The following XAF1 variants were observed in gnomAD, a reference collection of about 807,000 sequenced individuals.
XAF1 encodes the protein XIAP-associated factor 1.
XAF1 carries 32 observed loss-of-function variants against 32.3 expected under a neutral mutation model. The observed-to-expected ratio is 0.99, with a 90% CI of 0.75 to 1.33. XAF1 has a LOEUF of 1.33. XAF1 is among the 40% of genes most tolerant of loss of function. The pLI is 0.00. For synonymous variants in XAF1, 120 were observed against 125.9 expected (o/e 0.95, Z 0.31); for missense variants, 379 against 366.0 (o/e 1.04, Z -0.29).
chr17:6,770,889 A>T lies in XAF1; in HGVS notation c.754A>T (p.Ser252Cys), dbSNP rs1265518574. 1.2e-6 allele frequency: 2 copies of T among 1,614,088 alleles called. No homozygotes were observed. Among genetic ancestry groups the T allele is most frequent in the Non-Finnish European group, 1.7e-6 (2 of 1,180,036 alleles). The change falls in exon 6 of 7, where the codon AGC (serine) becomes TGC (cysteine). Residue 252 changes from serine to cysteine, a missense_variant. Transcript: ENST00000361842. ...LLMSEPKPRT[S>C]SPRGDKAAYD... ...GATGTCAGAGCCCAAGCCCAGGACC[A>T]GCTCCCCTAGAGGAGATAAAGCAGC...
intron 4 of XAF1, chr17:6,761,838 A>G (rs1311957819): frequency 6.5e-6 from 9 of 1,377,650 alleles, no homozygotes; most frequent in Non-Finnish European, 8.6e-6. Flanking sequence ...GCACAGTCAG[A>G]ATGGAGGGGG....
At chr17:6,770,331 A>G (rs1975924733) in intron 5 of XAF1, among the ~76,000 whole-genome samples, 1 of 152,160 alleles carries the variant, frequency 6.6e-6, no homozygotes, top group Non-Finnish European at 1.5e-5. Flanking sequence ...CCCTAATCTC[A>G]TTAAAAAGGG....
chr17:6,764,133 C>T (rs1019957261), intron 5 of XAF1, among the ~76,000 whole-genome samples: 2 of 152,208 alleles, frequency 1.3e-5, no homozygotes, highest in African/African-American at 4.8e-5. Context: ...CCCTTACTGG[C>T]TGTGTAACCT....
chr17:6,770,554 G>A, intron 5 of XAF1, 89 bp from the exon 6 acceptor site: 2 of 1,084,942 alleles, frequency 1.8e-6, no homozygotes, highest in South Asian at 3.3e-5. Flanking sequence ...GTTTACAGTG[G>A]GAATTTCTTG....
chr17:6,756,321 A>G, intron 1 of XAF1: 1 of 1,379,214 alleles, frequency 7.3e-7, no homozygotes, highest in Non-Finnish European at 9.5e-7. Flanking sequence ...ACTTCACTGC[A>G]GCCCCTTTCC....
chr17:6,769,092 T>G (rs977462565), intron 5 of XAF1, among the ~76,000 whole-genome samples: 1 of 152,116 alleles, frequency 6.6e-6, no homozygotes, highest in Non-Finnish European at 1.5e-5. Context: ...AATCGCCTTA[T>G]GTCTCTTAAC....
chr17:6,764,633 A>C (rs886362708), intron 5 of XAF1, among the ~76,000 whole-genome samples: 14 of 152,172 alleles, frequency 9.2e-5, no homozygotes, highest in Non-Finnish European at 1.9e-4. Flanking sequence ...TGTGGTTTTC[A>C]GTCTTTAACT....
intron 2 of XAF1, chr17:6,758,489 G>A: frequency 3.8e-6 from 2 of 522,168 alleles, no homozygotes; most frequent in South Asian, 4.1e-5. Flanking sequence ...CAGGTGAGAT[G>A]GGGTCTGGGA....
At chr17:6,757,461 A>G (rs117999413) in intron 1 of XAF1, 2 of 152,264 alleles carry the variant, frequency 1.3e-5, no homozygotes, top group East Asian at 3.9e-4. Context: ...AGACTTGGGA[A>G]GCTCTCGCTT....
In XAF1 at chr17:6,773,350, C is replaced by T; in HGVS notation, c.*181C>T. 1 of 518,800 alleles carries T rather than the reference C, an allele frequency of 1.9e-6. No homozygotes were observed. Among genetic ancestry groups the T allele is most frequent in the East Asian group, 3.6e-5 (1 of 27,468 alleles). The allele number at this position is 518,800 out of a possible 1,614,324, so 32.1% of individuals were successfully genotyped here. On this transcript the variant is annotated 3_prime_UTR_variant, in exon 7 of 7. Coordinates refer to ENST00000361842, the MANE Select transcript of XAF1 (RefSeq NM_017523.5). ...ATCATCTCAATAGATACAGAAAAGG[C>T]TTTTGATAAAATTCAACTTGACTTC...
chr17:6,758,008 G>C, intron 1 of XAF1, 81 bp from the exon 2 acceptor site: 2 of 1,588,784 alleles, frequency 1.3e-6, no homozygotes, highest in Non-Finnish European at 1.7e-6. Context: ...TGGAGATCTA[G>C]CCCTGGGTAT....
At position 6,770,703 on chromosome 17, in the gene XAF1, C is replaced by T. The variant is rs1975959235; in HGVS notation, c.568C>T (p.Leu190Phe). 1.2e-6 allele frequency: 2 copies of T among 1,610,580 alleles called. No homozygotes were observed. The highest frequency in any genetic ancestry group is 1.1e-5 in the South Asian group (1 of 89,832). Residue 190 changes from leucine (L) to phenylalanine (F), a missense_variant, in exon 6 of 7, where the codon CTT (leucine) becomes TTT (phenylalanine). Leu to Phe is a conservative substitution (Grantham distance 22). Transcript: ENST00000361842. ...KHFPVGNPEI[L>F]PSSLPSQAAE... Reference sequence around the variant, plus strand: ...CTTTCCTGTTGGAAATCCAGAAATTCTTCCTTCATCTCTTCCAAGTCAAGC... The same window carrying T: ...CTTTCCTGTTGGAAATCCAGAAATTTTTCCTTCATCTCTTCCAAGTCAAGC...
Position 6,760,434 on chromosome 17 carries a change from A to G in XAF1, c.254A>G (p.Glu85Gly), listed in dbSNP as rs34195599. 0.012 allele frequency: 20,067 copies of G among 1,608,500 alleles called. 1,181 individuals carry two copies. The African/African-American group carries it at 0.17, about 14-fold the overall frequency. Reference sequence around the variant, plus strand: ...AATGAGTGCCAGGAGCGCCCTGTTGAGTGTAAGTTCTGCAAACTGGACATG... The same window carrying G: ...AATGAGTGCCAGGAGCGCCCTGTTGGGTGTAAGTTCTGCAAACTGGACATG... ...KANECQERPVECKFCKLDMQL... is the reference protein window; with the variant it reads ...KANECQERPVGCKFCKLDMQL... Residue 85 changes from glutamate (E) to glycine (G), a missense_variant, in exon 4 of 7, where the codon GAG (glutamate) becomes GGG (glycine). By Grantham distance (98) the Glu-to-Gly change is moderately conservative. Coordinates refer to ENST00000361842, the MANE Select transcript of XAF1 (RefSeq NM_017523.5).
chr17:6,760,151 C>T (rs1320691689), intron 3 of XAF1, among the ~76,000 whole-genome samples: 2 of 151,878 alleles, frequency 1.3e-5, no homozygotes, highest in East Asian at 3.9e-4. Context: ...AGTTCGAGAC[C>T]AGCCTGACCA....
At chr17:6,769,191 C>A (rs1246740745) in intron 5 of XAF1, among the ~76,000 whole-genome samples, 1 of 151,994 alleles carries the variant, frequency 6.6e-6, no homozygotes, top group African/African-American at 2.4e-5. Context: ...TTGGCCAAAT[C>A]TAATTTTCTG....
chr17:6,757,191 T>C (rs942259122), intron 1 of XAF1, among the ~76,000 whole-genome samples: 1 of 152,116 alleles, frequency 6.6e-6, no homozygotes, highest in Non-Finnish European at 1.5e-5. Flanking sequence ...TTAGTAGAGA[T>C]GAGGTTTCAC....
chr17:6,763,277 G>A (rs529774505), intron 5 of XAF1, among the ~76,000 whole-genome samples: 4 of 152,140 alleles, frequency 2.6e-5, no homozygotes, highest in African/African-American at 4.8e-5. Flanking sequence ...AGGTTTGCCC[G>A]TGTTGTAGTT....
Position 6,770,990 on chromosome 17 carries a change from C to T in XAF1, c.849+6C>T. The T allele has an allele frequency of 1.2e-6, 2 of 1,613,950 alleles. No individual in the cohort carries two copies. The highest frequency in any genetic ancestry group is 2.2e-5 in the South Asian group (2 of 91,034). The stretch of plus-strand genomic sequence containing the variant: ...CGATCCTAAATCAACATCAGGTACT[C>T]AGCCTCTGTTCTCTGCTTACCTTTC... On this transcript the variant is annotated splice_donor_region_variant and intron_variant, in intron 6 of 6. Transcript: ENST00000361842.
upstream of XAF1, chr17:6,755,793 T>C (rs555822426): frequency 1.2e-4 from 150 of 1,247,060 alleles, no homozygotes; most frequent in Middle Eastern, 3.4e-4. Context: ...CAAGCTGCTG[T>C]GCTGCCCAGG....
Sources: gnomAD v4.1 joint callset for allele counts (sites outside exome capture counted in the v4.1 genomes callset) on GRCh38, gnomAD v4.1.1 for gene constraint, MANE v1.5 for transcripts, NCBI Gene and HGNC (gene_info 2026-07-23, HGNC 2026-07-21) for gene names.